The following SETBP1 variants were observed in gnomAD, a reference collection of about 807,000 sequenced individuals.
The protein encoded by SETBP1 is SET-binding protein.
A neutral mutation model predicts 101.0 loss-of-function variants in SETBP1; 9 were observed. The observed-to-expected ratio is 0.09, with a 90% CI of 0.05 to 0.16. The LOEUF is 0.16. Among genes scored for constraint, SETBP1 ranks in the 10% least tolerant of loss-of-function variants. The pLI is 1.00. For synonymous variants in SETBP1, 818 were observed against 788.5 expected (o/e 1.04, Z -0.63); for missense variants, 1,858 against 2,033.8 (o/e 0.91, Z 1.66).
intron 2 of SETBP1, among the ~76,000 whole-genome samples, chr18:44,828,926 C>G (rs1471256887): frequency 1.3e-5 from 2 of 152,252 alleles, no homozygotes; most frequent in African/African-American, 2.4e-5. Flanking sequence ...CTGCTATAAT[C>G]TTGATCTTGG....
intron 5 of SETBP1, among the ~76,000 whole-genome samples, chr18:45,054,243 A>G (rs540913299): frequency 2.0e-5 from 3 of 151,890 alleles, no homozygotes; most frequent in East Asian, 3.9e-4. Context: ...GCTGGAGTAC[A>G]GTGGCACAAT....
chr18:44,828,984 G>A (rs1225151096), intron 2 of SETBP1, among the ~76,000 whole-genome samples: 1 of 152,202 alleles, frequency 6.6e-6, no homozygotes, highest in African/African-American at 2.4e-5. Context: ...TGTTGTTTTA[G>A]CCACCCAGTC....
intron 4 of SETBP1, among the ~76,000 whole-genome samples, chr18:44,954,191 C>A (rs772640635): frequency 3.9e-5 from 6 of 152,134 alleles, no homozygotes; most frequent in Non-Finnish European, 7.3e-5. Flanking sequence ...TCCTTCCCTG[C>A]TGTTAGGGCC....
chr18:44,776,442 A>T (rs2071005152), intron 2 of SETBP1, among the ~76,000 whole-genome samples: 1 of 152,176 alleles, frequency 6.6e-6, no homozygotes, highest in East Asian at 1.9e-4. Flanking sequence ...ATTTAGTGAC[A>T]CCGTGAGGTG....
rs58617770 is a variant in SETBP1, at chr18:44,995,135, CTTTTTTTT to C, written c.4000+41812_4000+41819del. On this transcript the variant is annotated intron_variant, in intron 4 of 5. Coordinates refer to ENST00000649279, the MANE Select transcript of SETBP1 (RefSeq NM_015559.3). ...AGTAGACAACTGACCATGTTATTTA[CTTTTTTTT>C]TTTTTTTTTTTTTTTTGAGATGGAG... Among the ~76,000 whole-genome samples, 20 of 95,024 alleles carry C rather than the reference CTTTTTTTT, an allele frequency of 2.1e-4. No individual in the cohort carries two copies. The Admixed American group carries it at 2.6e-3, about 12-fold the overall frequency. 62.3% of individuals were successfully genotyped at this position (95,024 alleles called of 152,430 possible).
chr18:44,795,067 C>G (rs928046116), intron 2 of SETBP1, among the ~76,000 whole-genome samples: 2 of 152,162 alleles, frequency 1.3e-5, no homozygotes, highest in African/African-American at 2.4e-5. Flanking sequence ...AGTGCTGCTT[C>G]TACCTAAGTG....
At chr18:44,710,450 G>GTTTTTT (rs11375634) in intron 2 of SETBP1, among the ~76,000 whole-genome samples, 4 of 123,400 alleles carry the variant, frequency 3.2e-5, no homozygotes, top group African/African-American at 6.2e-5. Flanking sequence ...CATTTTAGGA[G>GTTTTTT]TTTTTTTTTT....
rs867149169 is a variant in SETBP1 at position 45,063,613 on chromosome 18, C to A, written c.4706C>A (p.Pro1569Gln). The A allele has an allele frequency of 1.9e-6, 3 of 1,599,964 alleles. No homozygotes were observed. In the East Asian group the frequency reaches 6.8e-5, roughly 36 times the overall value. The change falls in exon 6 of 6, where the codon CCG becomes CAG. Residue 1569 changes from proline to glutamine, a missense_variant. Around this residue, in one of 12 missense-constraint regions of SETBP1, gnomAD observed 178 missense variants for 189.1 expected, o/e 0.94. Coordinates refer to ENST00000649279, the MANE Select transcript of SETBP1 (RefSeq NM_015559.3). ...APAQPPQQSP[P>Q]QQPLPQEEEV... The stretch of plus-strand genomic sequence containing the variant: ...GCTCAGCCCCCACAGCAGTCGCCCC[C>A]GCAGCAGCCCCTTCCCCAGGAAGAG...
intron 3 of SETBP1, chr18:44,871,432 G>A (rs891744251): frequency 6.6e-6 from 1 of 152,112 alleles, no homozygotes; most frequent in South Asian, 2.1e-4. Flanking sequence ...ACCCATCATT[G>A]ACTGTCAGGA....
chr18:44,897,312 C>A (rs1207117926), intron 3 of SETBP1, among the ~76,000 whole-genome samples: 1 of 152,104 alleles, frequency 6.6e-6, no homozygotes, highest in Admixed American at 6.5e-5. Flanking sequence ...TGAGAAAAAA[C>A]AATCTGGACC....
intron 2 of SETBP1, among the ~76,000 whole-genome samples, chr18:44,757,088 C>G (rs1890583819): frequency 6.6e-6 from 1 of 151,984 alleles, no homozygotes; most frequent in Admixed American, 6.6e-5. Context: ...TATCTGACTC[C>G]TCAGCCATCC....
chr18:44,988,983 T>C (rs1368922438), intron 4 of SETBP1: 2 of 152,204 alleles, frequency 1.3e-5, no homozygotes, highest in Non-Finnish European at 2.9e-5. Context: ...AAGTGCATAT[T>C]ATCTCTGGAA....
At chr18:45,042,366 T>A (rs1244530467) in intron 5 of SETBP1, among the ~76,000 whole-genome samples, 1 of 152,104 alleles carries the variant, frequency 6.6e-6, no homozygotes, top group African/African-American at 2.4e-5. Flanking sequence ...GCCAGGCTGG[T>A]CTCGAACTCC....
Position 45,019,681 on chromosome 18 carries a change from A to AT in SETBP1, c.4001-18795dup, listed in dbSNP as rs554150796. Among the ~76,000 whole-genome samples, 52 of 151,104 alleles carry AT rather than the reference A, an allele frequency of 3.4e-4. No individual in the cohort carries two copies. In the South Asian group the frequency reaches 8.0e-3, roughly 23 times the overall value. ...AATTGCACATTCAGTCAGAATTGGT[A>AT]TTTTTTTTTCAACAGGTTCTGCAAC... On this transcript the variant is annotated intron_variant, in intron 4 of 5. Coordinates refer to ENST00000649279, the MANE Select transcript of SETBP1 (RefSeq NM_015559.3).
chr18:44,813,094 G>T (rs1243363218), intron 2 of SETBP1, among the ~76,000 whole-genome samples: 1 of 152,016 alleles, frequency 6.6e-6, no homozygotes, highest in Admixed American at 6.5e-5. Flanking sequence ...AAGAAAGAAA[G>T]AAACCAATGC....
At chr18:45,029,567 A>T (rs2073245282) in intron 4 of SETBP1, among the ~76,000 whole-genome samples, 1 of 152,180 alleles carries the variant, frequency 6.6e-6, no homozygotes, top group Non-Finnish European at 1.5e-5. Flanking sequence ...TGGTAGCTTG[A>T]TGGGGATGGC....
rs1382831752 is a variant in SETBP1, at chr18:44,951,247, T to A, written c.1907T>A (p.Val636Glu). Reference sequence around the variant, plus strand: ...AATTTAGCGAAGTTGGCCCAGCTAGTGCCGGGAGAGGACAAACCCATGAGC... The same window carrying A: ...AATTTAGCGAAGTTGGCCCAGCTAGAGCCGGGAGAGGACAAACCCATGAGC... The part of the protein sequence containing the change: ...RRNLAKLAQL[V>E]PGEDKPMSEM... The change falls in exon 4 of 6, where the codon GTG becomes GAG. Residue 636 changes from valine (V) to glutamate (E), a missense_variant. Coordinates refer to ENST00000649279, the MANE Select transcript of SETBP1 (RefSeq NM_015559.3). This position sits in a 1 kb window ranked among gnomAD's most constrained non-coding sequence, Gnocchi z 7.8. The A allele has an allele frequency of 2.5e-6, 4 of 1,613,858 alleles. No individual in the cohort carries two copies. In the Admixed American group the frequency reaches 6.7e-5, roughly 27 times the overall value.
intron 2 of SETBP1, among the ~76,000 whole-genome samples, chr18:44,797,743 T>C (rs1395129132): frequency 6.6e-6 from 1 of 152,198 alleles, no homozygotes; most frequent in Non-Finnish European, 1.5e-5. Flanking sequence ...AGGTGCGCCA[T>C]GGAGAGAGCT....
chr18:44,830,718 C>T (rs1365606217), intron 2 of SETBP1, among the ~76,000 whole-genome samples: 1 of 152,176 alleles, frequency 6.6e-6, no homozygotes, highest in African/African-American at 2.4e-5. Flanking sequence ...TTCTCATCCT[C>T]TGTAAACAGT....
Sources: allele counts gnomAD v4.1 joint callset (sites outside exome capture counted in the v4.1 genomes callset), GRCh38; gene constraint gnomAD v4.1.1; regional missense constraint gnomAD v4.1.1; non-coding constraint Gnocchi (gnomAD v3.1); transcripts MANE v1.5; gene names NCBI Gene and HGNC (gene_info 2026-07-23, HGNC 2026-07-21).